Variants in CRB1 observed in about 807,000 individuals in gnomAD.
The protein encoded by CRB1 is crumbs cell polarity complex component 1.
CRB1 carries 83 observed loss-of-function variants against 120.0 expected under a neutral mutation model. The observed-to-expected ratio is 0.69, with a 90% CI of 0.58 to 0.83. CRB1 has a LOEUF of 0.83. Among genes scored for constraint, CRB1 ranks in the 40% least tolerant of loss-of-function variants. CRB1 has a pLI of 0.00. For synonymous variants in CRB1, 625 were observed against 612.5 expected (o/e 1.02, Z -0.30); for missense variants, 1,699 against 1,687.6 (o/e 1.01, Z -0.12).
intron 5 of CRB1, among the ~76,000 whole-genome samples, chr1:197,404,441 C>CAGAAAAAAAAAAAAAAAAAAAAAAAAAAA: frequency 1.7e-5 from 1 of 58,720 alleles, no homozygotes; most frequent in Admixed American, 2.1e-4. Context: ...GACTCCGTCT[C>CAGAAAAAAAAAAAAAAAAAAAAAAAAAAA]AAAAAAAAAA....
At chr1:197,290,265 CGTGTGTGT>C (rs10540136) in intron 1 of CRB1, among the ~76,000 whole-genome samples, 50 of 136,976 alleles carry the variant, frequency 3.7e-4, no homozygotes, top group African/African-American at 8.0e-4. Context: ...TGTTCCCTTT[CGTGTGTGT>C]GTGTGTGTGT....
chr1:197,323,938 G>A (rs769585264), intron 1 of CRB1, among the ~76,000 whole-genome samples: 4 of 152,146 alleles, frequency 2.6e-5, no homozygotes, highest in African/African-American at 4.8e-5. Context: ...TGATGATGCT[G>A]ATGATCAGAA....
intron 5 of CRB1, among the ~76,000 whole-genome samples, chr1:197,395,178 AAAAG>A (rs1454363052): frequency 6.6e-6 from 1 of 152,160 alleles, no homozygotes; most frequent in East Asian, 1.9e-4. Flanking sequence ...CAGAAAAACT[AAAAG>A]AAATTACTGT....
At chr1:197,305,379 T>C (rs1217797218) in intron 1 of CRB1, among the ~76,000 whole-genome samples, 2 of 152,130 alleles carry the variant, frequency 1.3e-5, no homozygotes, top group Admixed American at 1.3e-4. Flanking sequence ...AGGATAGCTA[T>C]TAGGTGCTAT....
intron 1 of CRB1, among the ~76,000 whole-genome samples, chr1:197,294,816 A>G (rs1656421603): frequency 6.6e-6 from 1 of 152,146 alleles, no homozygotes; most frequent in Non-Finnish European, 1.5e-5. Flanking sequence ...ACAAAAAACC[A>G]AACACCGCAT....
chr1:197,313,002 T>G (rs1488788279), intron 1 of CRB1, among the ~76,000 whole-genome samples: 1 of 152,216 alleles, frequency 6.6e-6, no homozygotes, highest in Non-Finnish European at 1.5e-5. Flanking sequence ...GGGTAACTTA[T>G]GAAGGAAAGA....
intron 1 of CRB1, among the ~76,000 whole-genome samples, chr1:197,316,002 A>G (rs530622285): frequency 1.3e-5 from 2 of 152,294 alleles, no homozygotes; most frequent in South Asian, 2.1e-4. Flanking sequence ...CCTTTTATTT[A>G]CAACAATTTT....
chr1:197,460,715 G>A (rs1666492230), intron 11 of CRB1, among the ~76,000 whole-genome samples: 1 of 152,010 alleles, frequency 6.6e-6, no homozygotes, highest in South Asian at 2.1e-4. Context: ...TATAATTTTG[G>A]TTTTCTGTTT....
At chr1:197,291,870 G>C (rs1049531492) in intron 1 of CRB1, among the ~76,000 whole-genome samples, 8 of 151,966 alleles carry the variant, frequency 5.3e-5, no homozygotes, top group African/African-American at 1.9e-4. Context: ...TAAGATCTAA[G>C]TTTACAAAGA....
the CRB1 span, among the ~76,000 whole-genome samples, chr1:197,254,386 G>A: frequency 6.6e-6 from 1 of 152,086 alleles, no homozygotes; most frequent in Non-Finnish European, 1.5e-5. Flanking sequence ...AGTCCACAAA[G>A]TGTTTTTGAA....
chr1:197,339,118 A>G (rs1659317110), intron 2 of CRB1, among the ~76,000 whole-genome samples: 1 of 152,264 alleles, frequency 6.6e-6, no homozygotes, highest in Admixed American at 6.5e-5. Context: ...TTCACAAGCC[A>G]GAAATCTCAT....
At chr1:197,455,629 A>T (rs778208699) in intron 11 of CRB1, among the ~76,000 whole-genome samples, 1 of 152,136 alleles carries the variant, frequency 6.6e-6, no homozygotes, top group Non-Finnish European at 1.5e-5. Flanking sequence ...CATGTAGAAG[A>T]CTGTAGGAAT....
At chr1:197,313,229 A>T (rs982438282) in intron 1 of CRB1, among the ~76,000 whole-genome samples, 1 of 152,198 alleles carries the variant, frequency 6.6e-6, no homozygotes, top group Non-Finnish European at 1.5e-5. Flanking sequence ...TCATGGGGGA[A>T]ATCTGCTCCC....
chr1:197,260,030 G>A, the CRB1 span, among the ~76,000 whole-genome samples: 3 of 151,816 alleles, frequency 2.0e-5, no homozygotes. Context: ...GAGCCTGGCT[G>A]TAATCCCAGG....
At chr1:197,407,045 T>G (rs1170993369) in intron 5 of CRB1, among the ~76,000 whole-genome samples, 1 of 152,216 alleles carries the variant, frequency 6.6e-6, no homozygotes, top group Non-Finnish European at 1.5e-5. Flanking sequence ...TTAAATTGGC[T>G]TGCCAATTAA....
chr1:197,308,398 A>G lies in CRB1; in HGVS notation c.71-20024A>G, dbSNP rs139339160. Among the ~76,000 whole-genome samples, 885 of 152,284 alleles carry G rather than the reference A, an allele frequency of 5.8e-3. 13 individuals are homozygous for G. Among genetic ancestry groups the G allele is most frequent in the African/African-American group, 0.02 (839 of 41,568 alleles). ...ATATTCCCATGTAACAAACCTGCAC[A>G]TGTACTCCCTGTATCTAAACTAAAA... is the stretch of plus-strand genomic sequence containing the variant. On this transcript the variant is annotated intron_variant, in intron 1 of 11. Coordinates refer to ENST00000367400, the MANE Select transcript of CRB1 (RefSeq NM_201253.3).
intron 5 of CRB1, among the ~76,000 whole-genome samples, chr1:197,415,223 A>G (rs866860233): frequency 5.3e-5 from 8 of 152,346 alleles, no homozygotes; most frequent in African/African-American, 1.9e-4. Flanking sequence ...AGAAATAAAC[A>G]TCTTATTTCA....
At chr1:197,250,751 C>A in the CRB1 span, among the ~76,000 whole-genome samples, 1 of 151,934 alleles carries the variant, frequency 6.6e-6, no homozygotes, top group East Asian at 1.9e-4. Flanking sequence ...ACGTGTGGCT[C>A]TGTCTGACAT....
the CRB1 span, among the ~76,000 whole-genome samples, chr1:197,233,464 C>T: frequency 8.2e-4 from 125 of 152,284 alleles, 1 homozygote; most frequent in Middle Eastern, 3.4e-3. Flanking sequence ...TGTAAATGAT[C>T]GTCCTTATCT....
Sources: gnomAD v4.1 joint callset for allele counts (sites outside exome capture counted in the v4.1 genomes callset) on GRCh38, gnomAD v4.1.1 for gene constraint, MANE v1.5 for transcripts, NCBI Gene and HGNC (gene_info 2026-07-23, HGNC 2026-07-21) for gene names.